Variants in SYT16 observed in about 807,000 individuals in gnomAD.
The protein encoded by SYT16 is synaptotagmin 16, also known as synaptotagmin-16.
SYT16 carries 42 observed loss-of-function variants against 61.4 expected under a neutral mutation model. The ratio of observed to expected loss-of-function variants is 0.68; its 90% CI spans 0.53 to 0.89. The LOEUF is 0.89. Ranked by LOEUF, SYT16 falls within the 40% of genes least tolerant of loss-of-function variation. The pLI, the probability that SYT16 is intolerant of heterozygous loss-of-function variation, is 0.00. For synonymous variants in SYT16, 314 were observed against 302.3 expected (o/e 1.04, Z -0.40); for missense variants, 804 against 807.3 (o/e 1.00, Z 0.05).
chr14:61,918,735 G>C (rs1176397495), intron 1 of SYT16, among the ~76,000 whole-genome samples: 1 of 152,034 alleles, frequency 6.6e-6, no homozygotes, highest in Admixed American at 6.6e-5. Flanking sequence ...GGGGGGTGGG[G>C]TGATGAATCA....
At chr14:62,068,083 G>A (rs1459547376) in intron 3 of SYT16, among the ~76,000 whole-genome samples, 2 of 152,122 alleles carry the variant, frequency 1.3e-5, no homozygotes, top group Non-Finnish European at 2.9e-5. Flanking sequence ...ACCTCATAAA[G>A]GTATCTGCAC....
At chr14:62,042,210 C>T (rs1355896277) in intron 3 of SYT16, among the ~76,000 whole-genome samples, 1 of 151,900 alleles carries the variant, frequency 6.6e-6, no homozygotes, top group African/African-American at 2.4e-5. Context: ...GCTATGTTGA[C>T]CAGGCTGGTC....
chr14:61,991,653 A>G (rs1430051015), intron 2 of SYT16, among the ~76,000 whole-genome samples: 2 of 152,150 alleles, frequency 1.3e-5, no homozygotes, highest in Non-Finnish European at 2.9e-5. Context: ...GAATATAGCA[A>G]CTGGACACTC....
chr14:61,945,557 A>G (rs1417259171), intron 1 of SYT16, among the ~76,000 whole-genome samples: 1 of 151,726 alleles, frequency 6.6e-6, no homozygotes, highest in Non-Finnish European at 1.5e-5. Flanking sequence ...ATGCAGTCAT[A>G]AAAAAGGATG....
At chr14:61,922,691 T>TA (rs1413936787) in intron 1 of SYT16, among the ~76,000 whole-genome samples, 3 of 151,886 alleles carry the variant, frequency 2.0e-5, no homozygotes, top group Non-Finnish European at 4.4e-5. Flanking sequence ...AACCTAAAAT[T>TA]AAAGTAAAAA....
intron 3 of SYT16, among the ~76,000 whole-genome samples, chr14:62,005,663 G>A (rs1242405018): frequency 6.6e-6 from 1 of 152,168 alleles, no homozygotes; most frequent in Non-Finnish European, 1.5e-5. Flanking sequence ...GTGTGGGTGT[G>A]TAAGTAGATA....
intron 1 of SYT16, among the ~76,000 whole-genome samples, chr14:61,827,450 C>T (rs2045807472): frequency 6.6e-6 from 1 of 152,130 alleles, no homozygotes; most frequent in Non-Finnish European, 1.5e-5. Flanking sequence ...CTCCCTTGCT[C>T]TTTTTGTCGA....
intron 2 of SYT16, among the ~76,000 whole-genome samples, chr14:61,984,108 T>G (rs2052202115): frequency 6.6e-6 from 1 of 152,198 alleles, no homozygotes; most frequent in Non-Finnish European, 1.5e-5. Flanking sequence ...ACCTTGACTG[T>G]TTAACAGAAA....
intron 3 of SYT16, among the ~76,000 whole-genome samples, chr14:62,005,150 G>A (rs2053171024): frequency 6.6e-6 from 1 of 152,190 alleles, no homozygotes; most frequent in South Asian, 2.1e-4. Context: ...GGTTCCCTAT[G>A]TGGCCTTGTC....
chr14:62,069,829 C>G lies in SYT16; in HGVS notation c.736+14C>G. On this transcript the variant is annotated intron_variant, in intron 4 of 7. Coordinates refer to ENST00000683842, the MANE Select transcript of SYT16 (RefSeq NM_001367656.1). Reference sequence around the variant, plus strand: ...CTGCCTGCGAAGGTATCCTTTGCCTCACATCCTTTCTTTAGACCAGGGATG... The same window carrying G: ...CTGCCTGCGAAGGTATCCTTTGCCTGACATCCTTTCTTTAGACCAGGGATG... 1 of 1,612,608 alleles carries G rather than the reference C, an allele frequency of 6.2e-7. No individual in the cohort carries two copies. Among genetic ancestry groups the G allele is most frequent in the Non-Finnish European group, 8.5e-7 (1 of 1,179,446 alleles).
chr14:61,890,623 A>G (rs958396662), intron 1 of SYT16, among the ~76,000 whole-genome samples: 7 of 151,802 alleles, frequency 4.6e-5, no homozygotes, highest in Admixed American at 2.6e-4. Flanking sequence ...CTAGATTTTT[A>G]TAGAGTCTTG....
intron 1 of SYT16, among the ~76,000 whole-genome samples, chr14:61,865,940 A>G (rs2047138703): frequency 6.6e-6 from 1 of 152,224 alleles, no homozygotes; most frequent in African/African-American, 2.4e-5. Flanking sequence ...ATCACAGATT[A>G]TATACTTAGG....
At chr14:61,910,955 C>T (rs767790866) in intron 1 of SYT16, among the ~76,000 whole-genome samples, 3 of 152,182 alleles carry the variant, frequency 2.0e-5, no homozygotes, top group Non-Finnish European at 2.9e-5. Context: ...ATACTGTGTT[C>T]GCTTTCAGTA....
chr14:62,067,589 A>C (rs1184917214), intron 3 of SYT16, among the ~76,000 whole-genome samples: 1 of 152,210 alleles, frequency 6.6e-6, no homozygotes, highest in Non-Finnish European at 1.5e-5. Flanking sequence ...CTATTATCAA[A>C]AACACAAAAG....
chr14:61,906,629 T>C (rs565753753), intron 1 of SYT16, among the ~76,000 whole-genome samples: 2 of 152,302 alleles, frequency 1.3e-5, no homozygotes, highest in Admixed American at 1.3e-4. Context: ...TAGTTTCTTC[T>C]TGCTCCTAGC....
chr14:61,940,491 G>A (rs1179334755), intron 1 of SYT16, among the ~76,000 whole-genome samples: 1 of 151,924 alleles, frequency 6.6e-6, no homozygotes, highest in African/African-American at 2.4e-5. Context: ...AGACTGCCAG[G>A]GTAAAATTCT....
chr14:62,001,206 T>C (rs983045995), intron 3 of SYT16, among the ~76,000 whole-genome samples: 1 of 152,138 alleles, frequency 6.6e-6, no homozygotes, highest in Non-Finnish European at 1.5e-5. Context: ...CATTTATGTT[T>C]AAAAATATTT....
At chr14:61,867,179 G>A (rs1318712264) in intron 1 of SYT16, among the ~76,000 whole-genome samples, 1 of 151,884 alleles carries the variant, frequency 6.6e-6, no homozygotes, top group Admixed American at 6.6e-5. Context: ...TTGAAATCAG[G>A]TAGTGTAAAT....
chr14:62,040,964 G>T (rs977021240), intron 3 of SYT16, among the ~76,000 whole-genome samples: 1 of 152,086 alleles, frequency 6.6e-6, no homozygotes, highest in Non-Finnish European at 1.5e-5. Context: ...TTATTAAGGG[G>T]TATCAACTCA....
Sources: allele counts gnomAD v4.1 joint callset (sites outside exome capture counted in the v4.1 genomes callset), GRCh38; gene constraint gnomAD v4.1.1; transcripts MANE v1.5; gene names NCBI Gene and HGNC (gene_info 2026-07-23, HGNC 2026-07-21).